Variants in SGK1 observed in about 807,000 individuals in gnomAD.
SGK1 encodes the protein serum/glucocorticoid regulated kinase 1.
SGK1 carries 26 observed loss-of-function variants against 64.2 expected under a neutral mutation model. The observed-to-expected ratio is 0.40, with a 90% CI of 0.30 to 0.56. SGK1 has a LOEUF of 0.56. Among genes scored for constraint, SGK1 ranks in the 20% least tolerant of loss-of-function variants. The pLI is 0.38. For missense variants in SGK1, 519 were observed against 645.6 expected (o/e 0.80, Z 2.12); for synonymous variants, 265 against 239.7 (o/e 1.11, Z -0.98).
Position 134,268,199 on chromosome 6 carries a change from G to T in SGK1, c.70-6051C>A, listed in dbSNP as rs1277434781. On this transcript the variant is annotated intron_variant, in intron 1 of 13. Coordinates refer to ENST00000367858, the MANE Select transcript of SGK1 (RefSeq NM_001143676.3). ...TCAGGCTGCGGATTGCTTTACTGGA[G>T]GGAGTAGCTGACTGTGAGTGGCTTT... Among the ~76,000 whole-genome samples, 3 of 152,150 alleles carry T rather than the reference G, an allele frequency of 2.0e-5. No individual in the cohort carries two copies. In the East Asian group the frequency reaches 5.8e-4, roughly 29 times the overall value.
chr6:134,171,887 G>A, intron 10 of SGK1, 155 bp from the exon 11 acceptor site: 1 of 633,372 alleles, frequency 1.6e-6, no homozygotes, highest in East Asian at 2.7e-5. Flanking sequence ...GACTTTTTGA[G>A]GGTGACTGGC....
chr6:134,243,712 G>A (rs1220541256), intron 2 of SGK1, among the ~76,000 whole-genome samples: 1 of 152,052 alleles, frequency 6.6e-6, no homozygotes, highest in African/African-American at 2.4e-5. Context: ...AAATTAAATT[G>A]TTACCAATTT....
At chr6:134,267,142 T>C (rs1238564834) in intron 1 of SGK1, among the ~76,000 whole-genome samples, 1 of 152,206 alleles carries the variant, frequency 6.6e-6, no homozygotes, top group African/African-American at 2.4e-5. Context: ...ACCCGCACTC[T>C]AGAGCTTGAG....
chr6:134,312,096 T>C (rs577825326), intron 1 of SGK1, among the ~76,000 whole-genome samples: 2 of 152,336 alleles, frequency 1.3e-5, no homozygotes, highest in Admixed American at 6.5e-5. Context: ...ATGGAAAGAC[T>C]GCTGCTGGTA....
At chr6:134,290,503 G>A (rs1401368412) in intron 1 of SGK1, among the ~76,000 whole-genome samples, 1 of 151,832 alleles carries the variant, frequency 6.6e-6, no homozygotes, top group Non-Finnish European at 1.5e-5. Flanking sequence ...ATTTTCCATG[G>A]AAGAGATGGC....
rs772596012 is a variant in SGK1 at position 134,170,415 on chromosome 6, C to T, written c.1434G>A (p.Arg478=). ...NPNVSGPNDL[R]HFDPEFTEEP... ...CTTCGGTAAACTCGGGGTCAAAGTG[C>T]CGTAGGTCGTTGGGCCCACTCTGTG... is the stretch of plus-strand genomic sequence containing the variant. The change falls in exon 14 of 14, where the codon CGG becomes CGA. Residue 478 remains arginine, a synonymous_variant. Transcript: ENST00000367858. 1 of 1,613,054 alleles carries T rather than the reference C, an allele frequency of 6.2e-7. No individual in the cohort carries two copies. The highest frequency in any genetic ancestry group is 1.3e-5 in the African/African-American group (1 of 74,878).
chr6:134,265,894 C>T (rs758911103), intron 1 of SGK1, among the ~76,000 whole-genome samples: 3 of 151,872 alleles, frequency 2.0e-5, no homozygotes, highest in African/African-American at 7.3e-5. Context: ...CCTCCCAGCT[C>T]AGCCTCCCAA....
chr6:134,206,375 ATATATATATTTTTTTTTTTT>A (rs1775781956), intron 3 of SGK1, among the ~76,000 whole-genome samples: 1 of 4,248 alleles, frequency 2.4e-4, no homozygotes, highest in African/African-American at 6.0e-4. Flanking sequence ...ATATATATAT[ATATATATATTTTTTTTTTTT>A]TTTTTTTTTT....
At chr6:134,262,208 G>C in intron 1 of SGK1, 60 bp from the exon 2 acceptor site, 5 of 1,235,966 alleles carry the variant, frequency 4.0e-6, no homozygotes, top group Non-Finnish European at 5.7e-6. Context: ...ATGTTTATTG[G>C]GGATTTGGTG....
chr6:134,250,809 T>C (rs559315727), intron 2 of SGK1, among the ~76,000 whole-genome samples: 1 of 152,304 alleles, frequency 6.6e-6, no homozygotes, highest in Admixed American at 6.5e-5. Flanking sequence ...GGTCTCACTC[T>C]GTTGTTCAGG....
At chr6:134,179,707 A>C (rs1171629540) in intron 3 of SGK1, among the ~76,000 whole-genome samples, 1 of 152,144 alleles carries the variant, frequency 6.6e-6, no homozygotes, top group Non-Finnish European at 1.5e-5. Flanking sequence ...ACTATCTCTA[A>C]TCATAGTGTT....
At chr6:134,185,962 C>G (rs1775416259) in intron 3 of SGK1, among the ~76,000 whole-genome samples, 1 of 152,086 alleles carries the variant, frequency 6.6e-6, no homozygotes, top group African/African-American at 2.4e-5. Flanking sequence ...CCCCCCACAC[C>G]CCCCTGTCCC....
At chr6:134,280,729 T>C (rs529705409) in intron 1 of SGK1, among the ~76,000 whole-genome samples, 2 of 152,290 alleles carry the variant, frequency 1.3e-5, no homozygotes, top group South Asian at 2.1e-4. Context: ...ATTTGTTGTA[T>C]TAATTGAAAG....
intron 2 of SGK1, among the ~76,000 whole-genome samples, chr6:134,227,335 A>G (rs1776200457): frequency 6.6e-6 from 1 of 152,110 alleles, no homozygotes; most frequent in African/African-American, 2.4e-5. Flanking sequence ...GGGTTTCACC[A>G]TCTTGGCCAG....
intron 2 of SGK1, among the ~76,000 whole-genome samples, chr6:134,208,132 G>A (rs1020284014): frequency 5.9e-5 from 9 of 152,112 alleles, no homozygotes; most frequent in East Asian, 3.9e-4. Flanking sequence ...GGCTGGTCTC[G>A]AACTCCTGAC....
chr6:134,313,063 G>A lies in SGK1; in HGVS notation c.69+4329C>T, dbSNP rs570456210. Among the ~76,000 whole-genome samples the A allele has an allele frequency of 2.6e-5, 4 of 152,244 alleles. No individual in the cohort carries two copies. In the South Asian group the frequency reaches 6.2e-4, roughly 24 times the overall value. ...TCTGGCATTACAGGCGTGAGCCAAC[G>A]CGCCCAGCCTGTGTATGATGATTTA... On this transcript the variant is annotated intron_variant, in intron 1 of 13. Coordinates refer to ENST00000367858, the MANE Select transcript of SGK1 (RefSeq NM_001143676.3).
intron 1 of SGK1, chr6:134,298,188 C>T (rs1259628114): frequency 2.0e-6 from 3 of 1,466,982 alleles, no homozygotes; most frequent in Admixed American, 3.3e-5. Context: ...TCCTCACCAG[C>T]CCCTGCATGT....
chr6:134,212,760 T>C (rs1029529866), intron 2 of SGK1, among the ~76,000 whole-genome samples: 2 of 152,208 alleles, frequency 1.3e-5, no homozygotes, highest in South Asian at 2.1e-4. Flanking sequence ...TTAGCCACTT[T>C]TAATATTTTT....
At chr6:134,297,874 T>C in intron 1 of SGK1, 1 of 795,416 alleles carries the variant, frequency 1.3e-6, no homozygotes, top group Admixed American at 1.7e-5. Context: ...TCATATTTGA[T>C]CTGGTACATG....
Sources: gnomAD v4.1 joint callset for allele counts (sites outside exome capture counted in the v4.1 genomes callset) on GRCh38, gnomAD v4.1.1 for gene constraint, MANE v1.5 for transcripts, NCBI Gene and HGNC (gene_info 2026-07-23, HGNC 2026-07-21) for gene names.